GSE1: variants seen among roughly 807,000 people sequenced by gnomAD.
GSE1 encodes the protein Gse1 coiled-coil protein.
A neutral mutation model predicts 112.6 loss-of-function variants in GSE1; 32 were observed. The ratio of observed to expected loss-of-function variants is 0.28; its 90% CI spans 0.21 to 0.38. GSE1 has a LOEUF of 0.38. Among genes scored for constraint, GSE1 ranks in the 10% least tolerant of loss-of-function variants. The probability of loss-of-function intolerance (pLI) is 1.00; values close to 1 mark genes in which losing one functional copy is unlikely to be tolerated. For synonymous variants in GSE1, 1,115 were observed against 735.6 expected (o/e 1.52, Z -8.35); for missense variants, 2,348 against 1,699.2 (o/e 1.38, Z -6.71).
At chr16:85,427,049 A>G (rs1402269261) in intron 2 of GSE1, among the ~76,000 whole-genome samples, 1 of 152,108 alleles carries the variant, frequency 6.6e-6, no homozygotes, top group Admixed American at 6.5e-5. Flanking sequence ...GTCCCCACCT[A>G]TGAGCCCAGA....
At position 85,666,375 on chromosome 16, in the gene GSE1, C is replaced by T. The variant is rs369125699; in HGVS notation, c.3130+28C>T. ...AATGAGGCTGCCAGTCCCTGCTCAG[C>T]TCTCGGCTGTGGTTGAGGCTGACCA... On this transcript the variant is annotated intron_variant, in intron 13 of 15. Transcript: ENST00000253458. 4.3e-6 allele frequency: 7 copies of T among 1,612,198 alleles called. No homozygotes were observed. The South Asian group carries it at 5.5e-5, about 13-fold the overall frequency.
At chr16:85,500,998 G>GTTTTTTTTTTTTTTTTTTTT (rs55650214) in intron 2 of GSE1, among the ~76,000 whole-genome samples, 1 of 64,826 alleles carries the variant, frequency 1.5e-5, no homozygotes, top group African/African-American at 6.6e-5. Flanking sequence ...GGCCTGTTCT[G>GTTTTTTTTTTTTTTTTTTTT]TTTTTTTTTT....
At chr16:85,483,393 C>G (rs115597977) in intron 2 of GSE1, among the ~76,000 whole-genome samples, 1 of 152,372 alleles carries the variant, frequency 6.6e-6, no homozygotes, top group South Asian at 2.1e-4. Context: ...GGGCAAGTCC[C>G]TCACCCACTC....
intron 2 of GSE1, among the ~76,000 whole-genome samples, chr16:85,492,769 A>C (rs950428314): frequency 1.3e-5 from 2 of 151,042 alleles, no homozygotes; most frequent in Non-Finnish European, 3.0e-5. Flanking sequence ...ACATGACCTC[A>C]CGGTGCCTTT....
At chr16:85,291,315 C>T (rs761312811) in intron 1 of GSE1, among the ~76,000 whole-genome samples, 7 of 152,216 alleles carry the variant, frequency 4.6e-5, no homozygotes, top group Non-Finnish European at 7.3e-5. Flanking sequence ...AAGGGTGGCA[C>T]CAGCCCCCCT....
chr16:85,331,245 C>G lies in GSE1; in HGVS notation c.2284-26218C>G, dbSNP rs377742508. On this transcript the variant is annotated intron_variant, in intron 1 of 2. Transcript: ENST00000637419. ...TCGGCTCACTGCAACCTCCACCTCCCGAGTTCAAGCGATTCTCCTGCCTCA... is the reference window on the plus strand; with the variant it reads ...TCGGCTCACTGCAACCTCCACCTCCGGAGTTCAAGCGATTCTCCTGCCTCA... Among the ~76,000 whole-genome samples, 272 of 150,164 alleles carry G rather than the reference C, an allele frequency of 1.8e-3. 4 individuals carry two copies. In the South Asian group the frequency reaches 0.038, roughly 21 times the overall value.
intron 1 of GSE1, among the ~76,000 whole-genome samples, chr16:85,605,693 C>T (rs1329858266): frequency 4.6e-5 from 7 of 151,920 alleles, no homozygotes; most frequent in African/African-American, 1.7e-4. Context: ...TCTCCAAAGC[C>T]ACATTTTAAC....
chr16:85,359,311 T>C (rs1272622031), intron 2 of GSE1: 1 of 445,620 alleles, frequency 2.2e-6, no homozygotes, highest in East Asian at 7.0e-5. Flanking sequence ...AGGAGGCAGC[T>C]TGCCTGGTTC....
chr16:85,469,426 G>GGACC (rs1238655231), intron 2 of GSE1, among the ~76,000 whole-genome samples: 1 of 152,230 alleles, frequency 6.6e-6, no homozygotes, highest in Non-Finnish European at 1.5e-5. Context: ...GGGGCAGGAA[G>GGACC]GACCCTCCTG....
chr16:85,170,319 C>T (rs1446812245), exon 1 of GSE1: 1 of 985,336 alleles, frequency 1.0e-6, no homozygotes, highest in Admixed American at 6.1e-5. Context: ...ACTGGGTTCC[C>T]GAGGCCCGGG....
intron 1 of GSE1, among the ~76,000 whole-genome samples, chr16:85,172,582 C>T (rs144241673): frequency 5.3e-5 from 8 of 152,336 alleles, no homozygotes; most frequent in African/African-American, 1.9e-4. Context: ...GAACTGCCCC[C>T]GGTGGGTCTG....
chr16:85,589,217 G>T (rs1485961010), intron 1 of GSE1, among the ~76,000 whole-genome samples: 2 of 152,222 alleles, frequency 1.3e-5, no homozygotes, highest in South Asian at 4.1e-4. Flanking sequence ...CAGACCTCCT[G>T]CCTGGGGCAT....
At chr16:85,420,665 T>C (rs1427950127) in intron 2 of GSE1, among the ~76,000 whole-genome samples, 1 of 151,956 alleles carries the variant, frequency 6.6e-6, no homozygotes, top group Non-Finnish European at 1.5e-5. Context: ...GGCATGCTGG[T>C]GCTCAGATTC....
chr16:85,384,892 T>TCAGGCAAG (rs2047652157), intron 2 of GSE1, among the ~76,000 whole-genome samples: 1 of 152,168 alleles, frequency 6.6e-6, no homozygotes. Flanking sequence ...CTGGGGGCCC[T>TCAGGCAAG]CAGGCAAGCA....
At chr16:85,668,038 T>C (rs2053020664) in intron 13 of GSE1, 102 bp from the exon 14 acceptor site, 2 of 866,988 alleles carry the variant, frequency 2.3e-6, no homozygotes, top group Admixed American at 4.8e-5. Context: ...AGCCCTGCAG[T>C]CATGTTGACT....
chr16:85,656,416 C>T lies in GSE1; in HGVS notation c.1063C>T (p.Arg355Cys), dbSNP rs751263474. ...REREREREAD[R>C]EREKERERER... is the part of the protein sequence containing the mutation. ...GCGCGAGCGTGAGCGTGAGGCTGAC[C>T]GCGAGCGGGAGAAGGAACGTGAGCG... is the stretch of plus-strand genomic sequence containing the variant. Residue 355 changes from arginine (R) to cysteine (C), a missense_variant, in exon 7 of 16, where the codon CGC becomes TGC. By Grantham distance (180) the Arg-to-Cys change is radical. Coordinates refer to ENST00000253458, the MANE Select transcript of GSE1 (RefSeq NM_014615.5). The T allele has an allele frequency of 3.8e-5, 60 of 1,574,862 alleles. No homozygotes were observed. Among genetic ancestry groups the T allele is most frequent in the Non-Finnish European group, 4.6e-5 (53 of 1,156,624 alleles).
At chr16:85,342,343 TA>T (rs1450070462) in intron 1 of GSE1, among the ~76,000 whole-genome samples, 1 of 152,222 alleles carries the variant, frequency 6.6e-6, no homozygotes, top group African/African-American at 2.4e-5. Flanking sequence ...TTTTTCACTG[TA>T]ATACCCTTGG....
intron 2 of GSE1, chr16:85,359,456 A>G (rs747120978): frequency 2.2e-6 from 1 of 455,262 alleles, no homozygotes; most frequent in South Asian, 1.6e-5. Context: ...CCCACTTCTT[A>G]TCTGAGGGAC....
intron 2 of GSE1, among the ~76,000 whole-genome samples, chr16:85,515,250 C>T (rs1028163096): frequency 2.6e-5 from 4 of 152,216 alleles, no homozygotes; most frequent in Admixed American, 6.5e-5. Context: ...CCCCCATCCC[C>T]GTCCTCAGGG....
Sources: gnomAD v4.1 joint callset for allele counts (sites outside exome capture counted in the v4.1 genomes callset) on GRCh38, gnomAD v4.1.1 for gene constraint, MANE v1.5 for transcripts, NCBI Gene and HGNC (gene_info 2026-07-23, HGNC 2026-07-21) for gene names.